The following TMEM132C variants were observed in gnomAD, a reference collection of about 807,000 sequenced individuals.
The protein encoded by TMEM132C is transmembrane protein 132C.
A neutral mutation model predicts 61.4 loss-of-function variants in TMEM132C; 29 were observed. The ratio of observed to expected loss-of-function variants is 0.47; its 90% CI spans 0.35 to 0.64. The LOEUF (loss-of-function observed/expected upper bound fraction) is 0.64, where lower values mean the gene tolerates loss of function less well. Ranked by LOEUF, TMEM132C falls within the 30% of genes least tolerant of loss-of-function variation. The pLI, the probability that TMEM132C is intolerant of heterozygous loss-of-function variation, is 0.00. For missense variants in TMEM132C, 1,408 were observed against 1,476.9 expected, an observed-to-expected ratio of 0.95 and a Z score of 0.76; for synonymous variants, 656 against 633.1, an observed-to-expected ratio of 1.04 and a Z score of -0.54.
intron 5 of TMEM132C, among the ~76,000 whole-genome samples, chr12:128,687,800 C>T (rs1159966025): frequency 6.6e-6 from 1 of 152,216 alleles, no homozygotes; most frequent in Non-Finnish European, 1.5e-5. Context: ...TGAGAAGAGG[C>T]CCCTGGGCTG....
chr12:128,427,115 T>C (rs898602895), intron 2 of TMEM132C, among the ~76,000 whole-genome samples: 2 of 152,164 alleles, frequency 1.3e-5, no homozygotes, highest in Non-Finnish European at 2.9e-5. Flanking sequence ...TGGCACTTGT[T>C]TGTGGTCGTG....
At chr12:128,333,626 G>C (rs114629420) in intron 1 of TMEM132C, among the ~76,000 whole-genome samples, 1 of 151,640 alleles carries the variant, frequency 6.6e-6, no homozygotes, top group African/African-American at 2.4e-5. Context: ...TGGTTTGTGC[G>C]TGGTGTGTAT....
At chr12:128,378,367 C>A (rs562792691) in intron 1 of TMEM132C, among the ~76,000 whole-genome samples, 1 of 152,214 alleles carries the variant, frequency 6.6e-6, no homozygotes, top group African/African-American at 2.4e-5. Flanking sequence ...CCGCCCGCCT[C>A]GGCCTCCCAA....
intron 2 of TMEM132C, among the ~76,000 whole-genome samples, chr12:128,492,461 C>A (rs1356346099): frequency 6.6e-6 from 1 of 152,200 alleles, no homozygotes; most frequent in African/African-American, 2.4e-5. Flanking sequence ...ATTTACACTC[C>A]CACCAACCGT....
At chr12:128,593,391 C>T (rs1049521900) in intron 3 of TMEM132C, among the ~76,000 whole-genome samples, 1 of 152,156 alleles carries the variant, frequency 6.6e-6, no homozygotes, top group Non-Finnish European at 1.5e-5. Flanking sequence ...AGATCTCTCC[C>T]TCAGTGGAGC....
intron 1 of TMEM132C, among the ~76,000 whole-genome samples, chr12:128,346,491 T>C (rs184551146): frequency 1.3e-5 from 2 of 152,362 alleles, no homozygotes; most frequent in Admixed American, 1.3e-4. Flanking sequence ...TAAATTGCTT[T>C]GGGCAGTATG....
chr12:128,388,861 G>C (rs1874675229), intron 1 of TMEM132C, among the ~76,000 whole-genome samples: 1 of 152,242 alleles, frequency 6.6e-6, no homozygotes, highest in African/African-American at 2.4e-5. Context: ...CTTCTTAACA[G>C]AGTGTTGGTT....
At chr12:128,311,411 A>G (rs1871958906) in intron 1 of TMEM132C, among the ~76,000 whole-genome samples, 1 of 152,234 alleles carries the variant, frequency 6.6e-6, no homozygotes, top group Non-Finnish European at 1.5e-5. Flanking sequence ...CGTTGAGTGT[A>G]CGCCACAGGG....
At chr12:128,380,856 G>A (rs1340171645) in intron 1 of TMEM132C, among the ~76,000 whole-genome samples, 1 of 152,170 alleles carries the variant, frequency 6.6e-6, no homozygotes, top group African/African-American at 2.4e-5. Context: ...GCATTTTTCT[G>A]TCTAAAGACA....
chr12:128,660,844 T>C (rs563162104), intron 4 of TMEM132C, among the ~76,000 whole-genome samples: 150 of 151,650 alleles, frequency 9.9e-4, no homozygotes, highest in Non-Finnish European at 1.4e-3. Context: ...CACCAAAATA[T>C]CTAAAATAAA....
intron 3 of TMEM132C, among the ~76,000 whole-genome samples, chr12:128,575,411 G>A (rs552653126): frequency 1.6e-3 from 245 of 152,304 alleles, no homozygotes; most frequent in African/African-American, 5.6e-3. Context: ...CCCAGGAGGT[G>A]GAGGTTGCAG....
chr12:128,410,384 T>C (rs199604614), intron 1 of TMEM132C, among the ~76,000 whole-genome samples: 4 of 130,978 alleles, frequency 3.1e-5, no homozygotes, highest in South Asian at 2.4e-4. Flanking sequence ...CACACACACA[T>C]ATATATGTAT....
chr12:128,514,720 C>G (rs1345754624), intron 2 of TMEM132C, among the ~76,000 whole-genome samples: 1 of 152,138 alleles, frequency 6.6e-6, no homozygotes, highest in Non-Finnish European at 1.5e-5. Flanking sequence ...CTTGCAAAGA[C>G]GAGGCATTCA....
At chr12:128,548,049 G>T (rs1344713507) in intron 3 of TMEM132C, among the ~76,000 whole-genome samples, 19 of 152,164 alleles carry the variant, frequency 1.2e-4, no homozygotes, top group Admixed American at 1.2e-3. Flanking sequence ...AGGAGATGAT[G>T]GTAGCTGATC....
intron 2 of TMEM132C, among the ~76,000 whole-genome samples, chr12:128,417,205 A>T (rs1343323352): frequency 6.6e-6 from 1 of 152,178 alleles, no homozygotes; most frequent in African/African-American, 2.4e-5. Flanking sequence ...CATGAAATAA[A>T]TGCATCTATC....
chr12:128,518,870 G>A lies in TMEM132C; in HGVS notation c.975-25087G>A, dbSNP rs535778752. 7.2e-5 allele frequency among the ~76,000 whole-genome samples: 11 copies of A among 152,120 alleles called. No homozygotes were observed. The South Asian group carries it at 2.3e-3, about 32-fold the overall frequency. On this transcript the variant is annotated intron_variant, in intron 2 of 8. Transcript: ENST00000435159. Reference sequence around the variant, plus strand: ...CACTTACTAGCCGTGCAGGAACTTGGGCAATTTACATAATCCTTTGTGTCT... The same window carrying A: ...CACTTACTAGCCGTGCAGGAACTTGAGCAATTTACATAATCCTTTGTGTCT...
chr12:128,549,712 AG>A (rs542005850), intron 3 of TMEM132C, among the ~76,000 whole-genome samples: 134 of 152,258 alleles, frequency 8.8e-4, no homozygotes, highest in Non-Finnish European at 1.7e-3. Context: ...TGAATGAGTG[AG>A]GAAAGAAGAA....
At position 128,432,662 on chromosome 12, in the gene TMEM132C, A is replaced by G. The variant is rs538121190; in HGVS notation, c.974+17042A>G. On this transcript the variant is annotated intron_variant, in intron 2 of 8. Transcript: ENST00000435159. The stretch of plus-strand genomic sequence containing the variant: ...AATGACTTCTTGCAGATGAGCAAAG[A>G]AAGTGTTTTCTGAGATAGAATCTAC... Among the ~76,000 whole-genome samples, 15 of 152,370 alleles carry G rather than the reference A, an allele frequency of 9.8e-5. No homozygotes were observed. The South Asian group carries it at 2.9e-3, about 29-fold the overall frequency.
At chr12:128,368,320 A>T (rs1027332958) in intron 1 of TMEM132C, among the ~76,000 whole-genome samples, 1 of 152,228 alleles carries the variant, frequency 6.6e-6, no homozygotes, top group Non-Finnish European at 1.5e-5. Context: ...GAAGCAAGGT[A>T]GCGCAGTGGT....
Sources: gnomAD v4.1 joint callset for allele counts (sites outside exome capture counted in the v4.1 genomes callset) on GRCh38, gnomAD v4.1.1 for gene constraint, MANE v1.5 for transcripts, NCBI Gene and HGNC (gene_info 2026-07-23, HGNC 2026-07-21) for gene names.